Variants in FCHSD1 observed in about 807,000 individuals in gnomAD.
FCHSD1 encodes FCH and double SH3 domains 1, also known as F-BAR and double SH3 domains protein 1.
In FCHSD1, 109 loss-of-function variants were observed where a neutral mutation model predicts 101.3. That is an observed-to-expected ratio of 1.08 (90% CI 0.92 to 1.26). FCHSD1 has a LOEUF of 1.26. Among genes scored for constraint, FCHSD1 ranks in the 50% most tolerant of loss-of-function variants. The pLI, the probability that FCHSD1 is intolerant of heterozygous loss-of-function variation, is 0.00. For synonymous variants in FCHSD1, 291 were observed against 356.8 expected (o/e 0.82, Z 2.08); for missense variants, 820 against 895.8 (o/e 0.92, Z 1.08).
In FCHSD1 at chr5:141,645,080, G is replaced by T; in HGVS notation, c.1380C>A (p.Ala460=). ...EETGELFEEP[A]PQALATRALP... is the part of the protein sequence containing the mutation. ...GGGCCCTCGTGGCCAGGGCTTGGGGGGCAGGCTCCTCAAAGAGCTCTCCCG... is the reference window on the plus strand; with the variant it reads ...GGGCCCTCGTGGCCAGGGCTTGGGGTGCAGGCTCCTCAAAGAGCTCTCCCG... The change falls in exon 14 of 20, where the codon GCC becomes GCA. Residue 460 remains alanine, a synonymous_variant. Transcript: ENST00000435817. 13 of 1,589,812 alleles carry T rather than the reference G, an allele frequency of 8.2e-6. No individual in the cohort carries two copies. The highest frequency in any genetic ancestry group is 1.1e-5 in the Non-Finnish European group (13 of 1,166,442).
rs941422196 is a variant in FCHSD1, at chr5:141,647,957, T to A, written c.705+11A>T. ...CTGCTGAGGGATAGGGGTGTCTGGGTTAAAACTGGCCTTGAGCAGAGCTGG... is the reference window on the plus strand; with the variant it reads ...CTGCTGAGGGATAGGGGTGTCTGGGATAAAACTGGCCTTGAGCAGAGCTGG... On this transcript the variant is annotated intron_variant, in intron 8 of 19. Coordinates refer to ENST00000435817, the MANE Select transcript of FCHSD1 (RefSeq NM_033449.3). 3.7e-6 allele frequency: 6 copies of A among 1,612,014 alleles called. No individual in the cohort carries two copies. The highest frequency in any genetic ancestry group is 5.1e-6 in the Non-Finnish European group (6 of 1,179,082).
At position 141,644,672 on chromosome 5, in the gene FCHSD1, C is replaced by T. The variant is rs768710494; in HGVS notation, c.1543G>A (p.Glu515Lys). 7.4e-6 allele frequency: 12 copies of T among 1,613,824 alleles called. No homozygotes were observed. The African/African-American group carries it at 9.3e-5, about 13-fold the overall frequency. The change falls in exon 16 of 20, where the codon GAG becomes AAG. Residue 515 changes from glutamate (E) to lysine (K), a missense_variant. Transcript: ENST00000435817. ...TATCGCTCAGGGACAAAGCCTACCT[C>T]GCCGTGCTGGTTCCGAGCCTGCTCA... ...EWVKARNQHG[E>K]VGFVPERYLN...
In FCHSD1 at chr5:141,646,335, T is replaced by C. The variant is rs2099907647; in HGVS notation, c.1045-144A>G. ...GTGGGTGCTATTATTGGCCCTACTTTAGTGATGAGGAAATTGAAGTCCAGA... is the reference window on the plus strand; with the variant it reads ...GTGGGTGCTATTATTGGCCCTACTTCAGTGATGAGGAAATTGAAGTCCAGA... On this transcript the variant is annotated intron_variant, in intron 11 of 19. Transcript: ENST00000435817. 5.2e-6 allele frequency: 5 copies of C among 954,434 alleles called. No homozygotes were observed. The South Asian group carries it at 7.3e-5, about 14-fold the overall frequency. 59.1% of individuals were successfully genotyped at this position (954,434 alleles called of 1,614,324 possible).
Position 141,646,074 on chromosome 5 carries a change from G to C in FCHSD1, c.1149+13C>G, listed in dbSNP as rs746485048. 1 of 1,603,698 alleles carries C rather than the reference G, an allele frequency of 6.2e-7. No homozygotes were observed. The highest frequency in any genetic ancestry group is 1.3e-5 in the African/African-American group (1 of 74,778). On this transcript the variant is annotated intron_variant, in intron 12 of 19. Transcript: ENST00000435817. Reference sequence around the variant, plus strand: ...GAGAAGGTGGGATCTCTAACCTCAGGGGTGTGCCTCACCTGTGCCCGGCGG... The same window carrying C: ...GAGAAGGTGGGATCTCTAACCTCAGCGGTGTGCCTCACCTGTGCCCGGCGG...
Position 141,649,832 on chromosome 5 carries a change from C to A in FCHSD1, c.233+55G>T. The stretch of plus-strand genomic sequence containing the variant: ...CCTTCATCCCCACAGGTTCCTGGGG[C>A]TGAGCTCCCCATCACTTTTTGGCCT... On this transcript the variant is annotated intron_variant, in intron 4 of 19. Coordinates refer to ENST00000435817, the MANE Select transcript of FCHSD1 (RefSeq NM_033449.3). This position sits in a 1 kb window ranked among gnomAD's most constrained non-coding sequence, Gnocchi z 4.1. 6.6e-7 allele frequency: 1 copy of A among 1,522,112 alleles called. No individual in the cohort carries two copies. The highest frequency in any genetic ancestry group is 2.5e-5 in the East Asian group (1 of 40,712). The allele number at this position is 1,522,112 out of a possible 1,614,324, so 94.3% of individuals were successfully genotyped here.
chr5:141,644,634 C>T lies in FCHSD1; in HGVS notation c.1581G>A (p.Pro527=), dbSNP rs368063756. The T allele has an allele frequency of 2.4e-5, 38 of 1,613,948 alleles. No homozygotes were observed. In the East Asian group the frequency reaches 5.3e-4, roughly 23 times the overall value. ...GFVPERYLNF[P]DLSLPESSQD... ...GGCTGCTCTCTGGGAGGGAGAGGTCCGGGAAGTTGAGATATCGCTCAGGGA... is the reference window on the plus strand; with the variant it reads ...GGCTGCTCTCTGGGAGGGAGAGGTCTGGGAAGTTGAGATATCGCTCAGGGA... Residue 527 remains proline (P), a synonymous_variant, in exon 16 of 20, where the codon CCG becomes CCA. Coordinates refer to ENST00000435817, the MANE Select transcript of FCHSD1 (RefSeq NM_033449.3).
intron 11 of FCHSD1, 81 bp downstream of exon 11, chr5:141,646,522 C>T (rs958134403): frequency 1.3e-6 from 2 of 1,519,346 alleles, no homozygotes; most frequent in Non-Finnish European, 1.8e-6. Flanking sequence ...ATGACACCCT[C>T]AATGGCTCCA....
At position 141,645,193 on chromosome 5, in the gene FCHSD1, CA is replaced by C. The variant is rs1409740495; in HGVS notation, c.1312-46del. 2.0e-6 allele frequency: 3 copies of C among 1,515,176 alleles called. No homozygotes were observed. In the African/African-American group the frequency reaches 4.2e-5, roughly 21 times the overall value. 93.9% of individuals were successfully genotyped at this position (1,515,176 alleles called of 1,614,324 possible). A position where few individuals can be genotyped will look rare whatever the true frequency, so the allele number is the denominator to read the frequency against. ...ACCTCATATGGGGCCCACTCTCAAG[CA>C]CTGGTTCTATCTCCCACTCTTCCAT... On this transcript the variant is annotated intron_variant, in intron 13 of 19. Transcript: ENST00000435817.
At position 141,644,283 on chromosome 5, in the gene FCHSD1, G is replaced by T; in HGVS notation, c.1798C>A (p.Pro600Thr). 6.2e-7 allele frequency: 1 copy of T among 1,613,642 alleles called. No individual in the cohort carries two copies. Residue 600 changes from proline to threonine, a missense_variant, in exon 17 of 20, where the codon CCC (proline) becomes ACC (threonine). Physicochemically the swap from Pro to Thr is conservative, Grantham distance 38. Transcript: ENST00000435817. ...AGCAGCTCTTCCACCAGCAGGGAGGGGAAGACCCCAACACGGCCCCCAAAT... is the reference window on the plus strand; with the variant it reads ...AGCAGCTCTTCCACCAGCAGGGAGGTGAAGACCCCAACACGGCCCCCAAAT... ...GEFGGRVGVF[P>T]SLLVEELLGP...
chr5:141,647,721 A>G (rs1360216176), intron 8 of FCHSD1: 5 of 967,026 alleles, frequency 5.2e-6, no homozygotes, highest in African/African-American at 1.7e-5. Context: ...GAGCCCCACT[A>G]GTGCTATAAG....
Position 141,651,120 on chromosome 5 carries a change from G to A in FCHSD1, c.22-3C>T. 2 of 1,580,614 alleles carry A rather than the reference G, an allele frequency of 1.3e-6. No individual in the cohort carries two copies. The highest frequency in any genetic ancestry group is 1.7e-6 in the Non-Finnish European group (2 of 1,162,516). On this transcript the variant is annotated splice_region_variant and splice_polypyrimidine_tract_variant and intron_variant, in intron 1 of 19. Transcript: ENST00000435817. ...TTCACCTCCTGGGCCGGCTTCACCT[G>A]TGGGGGCAAAGAGAGGATGAAGACC...
Position 141,644,213 on chromosome 5 carries a change from C to T in FCHSD1, c.1863+5G>A. The T allele has an allele frequency of 6.2e-7, 1 of 1,607,604 alleles. No homozygotes were observed. Among genetic ancestry groups the T allele is most frequent in the Non-Finnish European group, 8.5e-7 (1 of 1,177,126 alleles). On this transcript the variant is annotated splice_donor_5th_base_variant and intron_variant, in intron 17 of 19. Transcript: ENST00000435817. Reference sequence around the variant, plus strand: ...TGGGGAGTTCAGGGAGAAGGTAAGCCTCACCTGTTCAGGGTCAGAGAGTTC... The same window carrying T: ...TGGGGAGTTCAGGGAGAAGGTAAGCTTCACCTGTTCAGGGTCAGAGAGTTC...
intron 2 of FCHSD1, 37 bp from the exon 3 acceptor site, chr5:141,650,441 A>G (rs758432246): frequency 1.2e-6 from 2 of 1,613,332 alleles, no homozygotes; most frequent in South Asian, 1.1e-5. Context: ...GGTGGGGGAT[A>G]AGGTTATGTT....
In FCHSD1 at chr5:141,643,868, A is replaced by G. The variant is rs369642716; in HGVS notation, c.1863+350T>C. ...TGTCTCAAAAAAAAAAAAAAGAAGA[A>G]GGCTTTACCTCGATTATCTCTAATT... On this transcript the variant is annotated intron_variant, in intron 17 of 19. Transcript: ENST00000435817. 3.3e-5 allele frequency among the ~76,000 whole-genome samples: 5 copies of G among 152,040 alleles called. No individual in the cohort carries two copies. The South Asian group carries it at 6.2e-4, about 19-fold the overall frequency.
chr5:141,639,986 C>T lies in FCHSD1; in HGVS notation c.*1512G>A, dbSNP rs79900076. On this transcript the variant is annotated 3_prime_UTR_variant, in exon 20 of 20. Transcript: ENST00000435817. The surrounding 1 kb of genome is among the most constrained non-coding windows in gnomAD (Gnocchi z 4.4). ...AACACCGTGATGGCTCCCCCACAGA[C>T]AGGAGCTGGGGCTCTGGTGGGGGAC... 2,091 of 1,613,774 alleles carry T rather than the reference C, an allele frequency of 1.3e-3. 25 individuals carry two copies. The African/African-American group carries it at 0.026, about 20-fold the overall frequency.
At chr5:141,647,075 A>G in intron 10 of FCHSD1, 60 bp downstream of exon 10, 1 of 1,428,988 alleles carries the variant, frequency 7.0e-7, no homozygotes, top group East Asian at 2.5e-5. Flanking sequence ...ATAATGGAGG[A>G]GGCCTAAATC....
At chr5:141,642,633 C>A in intron 18 of FCHSD1, 1 of 538,654 alleles carries the variant, frequency 1.9e-6, no homozygotes, top group Non-Finnish European at 3.2e-6. Flanking sequence ...GGGAGGACAC[C>A]GTGAGAGAAG....
At chr5:141,646,366 TAA>T in intron 11 of FCHSD1, 175 bp from the exon 12 acceptor site, 1 of 913,704 alleles carries the variant, frequency 1.1e-6, no homozygotes, top group East Asian at 2.6e-5. Context: ...CCAGAGAGGT[TAA>T]GTCACTCCCT....
Position 141,651,399 on chromosome 5 carries a change from A to C in FCHSD1, c.-31T>G, listed in dbSNP as rs2099908401. 6.4e-7 allele frequency: 1 copy of C among 1,550,522 alleles called. No individual in the cohort carries two copies. The highest frequency in any genetic ancestry group is 8.7e-7 in the Non-Finnish European group (1 of 1,146,990). ...CTCCAGCAAGGCGGTCAGCCACTGG[A>C]CTCCGGAACTGGAGGAAGCCCCGCC... On this transcript the variant is annotated 5_prime_UTR_variant, in exon 1 of 20. Coordinates refer to ENST00000435817, the MANE Select transcript of FCHSD1 (RefSeq NM_033449.3).
Sources: gnomAD v4.1 joint callset for allele counts (sites outside exome capture counted in the v4.1 genomes callset) on GRCh38, gnomAD v4.1.1 for gene constraint, Gnocchi (gnomAD v3.1) non-coding constraint, MANE v1.5 for transcripts, NCBI Gene and HGNC (gene_info 2026-07-23, HGNC 2026-07-21) for gene names.